FAM135B: variants seen among roughly 807,000 people sequenced by gnomAD.
The protein encoded by FAM135B is family with sequence similarity 135 member B, also known as protein FAM135B.
FAM135B carries 43 observed loss-of-function variants against 127.7 expected under a neutral mutation model. That is an observed-to-expected ratio of 0.34 (90% CI 0.26 to 0.43). The LOEUF is 0.43. FAM135B is among the 20% of genes least tolerant of loss of function. The pLI is 1.00. For synonymous variants in FAM135B, 670 were observed against 665.1 expected (o/e 1.01, Z -0.11); for missense variants, 1,558 against 1,725.6 (o/e 0.90, Z 1.72).
intron 2 of FAM135B, among the ~76,000 whole-genome samples, chr8:138,328,822 A>G (rs1215433899): frequency 6.6e-6 from 1 of 152,164 alleles, no homozygotes; most frequent in Admixed American, 6.5e-5. Flanking sequence ...CCAATTCATA[A>G]GGTTGAGTGA....
chr8:138,358,672 G>A (rs751965380), intron 2 of FAM135B: 2 of 152,136 alleles, frequency 1.3e-5, no homozygotes, highest in African/African-American at 4.8e-5. Flanking sequence ...TCTCTTAAAT[G>A]TCTCTGATTT....
intron 10 of FAM135B, 37 bp downstream of exon 10, chr8:138,178,498 C>G (rs1814699669): frequency 6.2e-7 from 1 of 1,609,580 alleles, no homozygotes; most frequent in Non-Finnish European, 8.5e-7. Context: ...AAATCAAATG[C>G]ATGTGATCAG....
At chr8:138,215,458 C>A (rs377062979) in intron 7 of FAM135B, among the ~76,000 whole-genome samples, 1 of 152,084 alleles carries the variant, frequency 6.6e-6, no homozygotes, top group Non-Finnish European at 1.5e-5. Context: ...ACCATGATCC[C>A]TGGAAATAAC....
chr8:138,214,896 G>T (rs1425780954), intron 7 of FAM135B, among the ~76,000 whole-genome samples: 1 of 152,134 alleles, frequency 6.6e-6, no homozygotes, highest in African/African-American at 2.4e-5. Context: ...TAAGTAAGTT[G>T]GGAGTCTGTG....
In FAM135B at chr8:138,363,624, G is replaced by T. The variant is rs145912945; in HGVS notation, c.77+4283C>A. ...TTGGATGAAGGCATGTTGACTGTTC[G>T]CTCAAAGCCAACATCATTACAAGGC... On this transcript the variant is annotated intron_variant, in intron 2 of 19. Transcript: ENST00000395297. Among the ~76,000 whole-genome samples, 608 of 152,236 alleles carry T rather than the reference G, an allele frequency of 4.0e-3. 1 individual carries two copies. Among genetic ancestry groups the T allele is most frequent in the Non-Finnish European group, 6.4e-3 (433 of 68,022 alleles).
At chr8:138,331,752 T>A (rs1828198256) in intron 2 of FAM135B, among the ~76,000 whole-genome samples, 1 of 152,194 alleles carries the variant, frequency 6.6e-6, no homozygotes, top group Non-Finnish European at 1.5e-5. Flanking sequence ...CTACTTCTTT[T>A]ATAACAGGCT....
chr8:138,372,903 TC>T (rs11293226), intron 1 of FAM135B, among the ~76,000 whole-genome samples: 152,224 of 152,224 alleles, frequency 1, 76,112 homozygotes, highest in Non-Finnish European at 1. Flanking sequence ...AGCAATGAAC[TC>T]CCCCCATCAC....
At chr8:138,408,842 G>A (rs182091597) in intron 1 of FAM135B, among the ~76,000 whole-genome samples, 11 of 152,170 alleles carry the variant, frequency 7.2e-5, no homozygotes, top group African/African-American at 2.6e-4. Flanking sequence ...TGACACGTGG[G>A]GTTACAATCT....
At chr8:138,422,135 G>T (rs936430142) in intron 1 of FAM135B, among the ~76,000 whole-genome samples, 8 of 152,014 alleles carry the variant, frequency 5.3e-5, no homozygotes, top group Non-Finnish European at 7.4e-5. Flanking sequence ...ATGGATTAAA[G>T]ACTTAAACAT....
At chr8:138,252,095 T>C (rs1204468890) in intron 5 of FAM135B, among the ~76,000 whole-genome samples, 1 of 152,178 alleles carries the variant, frequency 6.6e-6, no homozygotes, top group African/African-American at 2.4e-5. Flanking sequence ...AATGGTCCCC[T>C]GGTACCAGAA....
chr8:138,246,989 T>G (rs539836625), intron 6 of FAM135B, among the ~76,000 whole-genome samples: 1 of 152,356 alleles, frequency 6.6e-6, no homozygotes, highest in African/African-American at 2.4e-5. Context: ...TGGACTTGCA[T>G]GGGGCCTGTA....
chr8:138,441,221 T>C (rs1300975091), intron 1 of FAM135B: 1 of 152,224 alleles, frequency 6.6e-6, no homozygotes, highest in Non-Finnish European at 1.5e-5. Context: ...CTTCAGACTG[T>C]CTATCAACTC....
chr8:138,478,613 A>T (rs1814628191), intron 1 of FAM135B, among the ~76,000 whole-genome samples: 1 of 152,188 alleles, frequency 6.6e-6, no homozygotes, highest in African/African-American at 2.4e-5. Flanking sequence ...TTCTAAATAC[A>T]CTGGCTCTAC....
chr8:138,236,915 G>A (rs1820318198), intron 7 of FAM135B, among the ~76,000 whole-genome samples: 1 of 152,002 alleles, frequency 6.6e-6, no homozygotes, highest in African/African-American at 2.4e-5. Context: ...ACACAGTAGG[G>A]GCTAAATAAA....
At chr8:138,469,562 A>G (rs1272283421) in intron 1 of FAM135B, among the ~76,000 whole-genome samples, 1 of 152,204 alleles carries the variant, frequency 6.6e-6, no homozygotes, top group Non-Finnish European at 1.5e-5. Flanking sequence ...ACCTATTACA[A>G]CTGGACAATG....
chr8:138,250,778 C>T, intron 6 of FAM135B, 63 bp downstream of exon 6: 1 of 1,578,660 alleles, frequency 6.3e-7, no homozygotes, highest in Non-Finnish European at 8.7e-7. Flanking sequence ...ACTCCCTGCC[C>T]CTCTACCACA....
intron 1 of FAM135B, among the ~76,000 whole-genome samples, chr8:138,386,419 G>A (rs1025884348): frequency 6.6e-6 from 1 of 152,038 alleles, no homozygotes; most frequent in African/African-American, 2.4e-5. Context: ...ACTGAGTTAC[G>A]ATGCCCCTAG....
chr8:138,261,459 C>T (rs1822533443), intron 4 of FAM135B, among the ~76,000 whole-genome samples: 1 of 152,180 alleles, frequency 6.6e-6, no homozygotes, highest in Non-Finnish European at 1.5e-5. Context: ...TCACCACTAT[C>T]AAATATCCAG....
chr8:138,454,782 C>T (rs527540961), intron 1 of FAM135B, among the ~76,000 whole-genome samples: 4 of 152,274 alleles, frequency 2.6e-5, no homozygotes, highest in East Asian at 1.9e-4. Context: ...CTAACTACTG[C>T]GGACCTACTG....
Sources: gnomAD v4.1 joint callset for allele counts (sites outside exome capture counted in the v4.1 genomes callset) on GRCh38, gnomAD v4.1.1 for gene constraint, MANE v1.5 for transcripts, NCBI Gene and HGNC (gene_info 2026-07-23, HGNC 2026-07-21) for gene names.